The following FRAS1 variants were observed in gnomAD, a reference collection of about 807,000 sequenced individuals.
FRAS1 encodes the protein extracellular matrix organizing protein FRAS1.
In FRAS1, 290 loss-of-function variants were observed where a neutral mutation model predicts 435.2. That is an observed-to-expected ratio of 0.67 (90% CI 0.61 to 0.73). FRAS1 has a LOEUF of 0.73. Among genes scored for constraint, FRAS1 ranks in the 30% least tolerant of loss-of-function variants. The pLI is 0.00. For synonymous variants in FRAS1, 1,800 were observed against 1,851.0 expected (o/e 0.97, Z 0.71); for missense variants, 4,860 against 5,001.5 (o/e 0.97, Z 0.85).
chr4:78,142,292 T>C (rs1720227850), intron 2 of FRAS1, among the ~76,000 whole-genome samples: 1 of 152,004 alleles, frequency 6.6e-6, no homozygotes, highest in African/African-American at 2.4e-5. Context: ...TCAATCCAGT[T>C]GGATTAAGAT....
chr4:78,534,756 C>A lies in FRAS1; in HGVS notation c.11092+141C>A, dbSNP rs935802180. 7.0e-6 allele frequency: 5 copies of A among 717,468 alleles called. No homozygotes were observed. In the Admixed American group the frequency reaches 1.4e-4, roughly 21 times the overall value. The allele number at this position is 717,468 out of a possible 1,614,324, so 44.4% of individuals were successfully genotyped here. A position where few individuals can be genotyped will look rare whatever the true frequency, so the allele number is the denominator to read the frequency against. ...TCCCCCAGGGTTGGTTCCAGGACAG[C>A]CAGGACTGAATCTAGGTACAGGCCC... On this transcript the variant is annotated intron_variant, in intron 71 of 73. Transcript: ENST00000512123.
intron 23 of FRAS1, 62 bp from the exon 24 acceptor site, chr4:78,372,656 T>C: frequency 6.3e-7 from 1 of 1,593,526 alleles, no homozygotes; most frequent in Non-Finnish European, 8.6e-7. Context: ...TCCTCATAAA[T>C]GAACTGCTGG....
At chr4:78,159,630 C>T (rs1721049080) in intron 2 of FRAS1, among the ~76,000 whole-genome samples, 1 of 152,156 alleles carries the variant, frequency 6.6e-6, no homozygotes, top group African/African-American at 2.4e-5. Flanking sequence ...CCTGTAATCC[C>T]AGCACTTTGG....
At chr4:78,190,088 T>C (rs953542192) in intron 2 of FRAS1, among the ~76,000 whole-genome samples, 1 of 152,214 alleles carries the variant, frequency 6.6e-6, no homozygotes, top group Non-Finnish European at 1.5e-5. Context: ...ATCAGGCCCT[T>C]TCTTTTGTAT....
chr4:78,496,505 G>A (rs1045643911), intron 59 of FRAS1, among the ~76,000 whole-genome samples: 2 of 152,218 alleles, frequency 1.3e-5, no homozygotes, highest in South Asian at 2.1e-4. Context: ...AAAGCACACA[G>A]ATGTTCTACA....
intron 61 of FRAS1, among the ~76,000 whole-genome samples, chr4:78,505,158 A>G (rs909310524): frequency 6.6e-6 from 1 of 151,876 alleles, no homozygotes; most frequent in Admixed American, 6.6e-5. Flanking sequence ...TGCCCTTAAC[A>G]TTTTTTCCTT....
intron 2 of FRAS1, among the ~76,000 whole-genome samples, chr4:78,233,490 G>A (rs1328291263): frequency 6.6e-6 from 1 of 150,904 alleles, no homozygotes; most frequent in Non-Finnish European, 1.5e-5. Context: ...AGTACTTATA[G>A]GACTGTTTTC....
chr4:78,343,741 G>A (rs1205847749), intron 20 of FRAS1, among the ~76,000 whole-genome samples: 3 of 152,156 alleles, frequency 2.0e-5, no homozygotes, highest in Non-Finnish European at 4.4e-5. Context: ...TAACAGGGGG[G>A]AAAACCCAGT....
intron 73 of FRAS1, among the ~76,000 whole-genome samples, chr4:78,539,795 CATA>C (rs1205692788): frequency 6.6e-6 from 1 of 152,154 alleles, no homozygotes; most frequent in Non-Finnish European, 1.5e-5. Context: ...TTTAAAAAAT[CATA>C]ATACAATACA....
intron 2 of FRAS1, among the ~76,000 whole-genome samples, chr4:78,160,149 T>G (rs1721077732): frequency 6.6e-6 from 1 of 152,210 alleles, no homozygotes; most frequent in Admixed American, 6.5e-5. Context: ...TAAGTAAATT[T>G]TTAATGAGGA....
chr4:78,286,364 A>C, intron 13 of FRAS1, 41 bp from the exon 14 acceptor site: 1 of 1,611,360 alleles, frequency 6.2e-7, no homozygotes, highest in Non-Finnish European at 8.5e-7. Flanking sequence ...TCAGCTAATC[A>C]AATGGTTCCT....
intron 2 of FRAS1, among the ~76,000 whole-genome samples, chr4:78,133,953 G>A (rs1719802726): frequency 7.5e-6 from 1 of 133,966 alleles, no homozygotes; most frequent in African/African-American, 2.8e-5. Context: ...GATGGACTAG[G>A]TTTTTTTTTT....
chr4:78,160,449 G>A (rs779198797), intron 2 of FRAS1, among the ~76,000 whole-genome samples: 6 of 152,172 alleles, frequency 3.9e-5, no homozygotes, highest in African/African-American at 1.2e-4. Context: ...GTTTGGAAAC[G>A]TTAGCCTGTA....
rs562272384 is a variant in FRAS1, at chr4:78,421,178, G to A, written c.4541-685G>A. Among the ~76,000 whole-genome samples, 17 of 151,924 alleles carry A rather than the reference G, an allele frequency of 1.1e-4. No individual in the cohort carries two copies. In the South Asian group the frequency reaches 2.9e-3, roughly 26 times the overall value. On this transcript the variant is annotated intron_variant, in intron 33 of 73. Coordinates refer to ENST00000512123, the MANE Select transcript of FRAS1 (RefSeq NM_025074.7). ...ATATTTATTTTTGAGATGGAGTTTC[G>A]CTCTTGTCACCCAGGCTGGAGTGCA...
rs1730745834 is a variant in FRAS1, at chr4:78,354,024, A to T, written c.2423-9489A>T. ...AAAAAAATTAAAAAAAAAATAAAAT[A>T]AAAAAAAAAAAAAAAAAAAAGCTTC... On this transcript the variant is annotated intron_variant, in intron 20 of 73. Coordinates refer to ENST00000512123, the MANE Select transcript of FRAS1 (RefSeq NM_025074.7). 2.8e-5 allele frequency among the ~76,000 whole-genome samples: 3 copies of T among 106,614 alleles called. 1 individual carries two copies. Among genetic ancestry groups the T allele is most frequent in the East Asian group, 3.9e-4 (1 of 2,588 alleles). 69.9% of individuals were successfully genotyped at this position (106,614 alleles called of 152,430 possible).
At chr4:78,374,282 A>T (rs1294277577) in intron 25 of FRAS1, 31 bp downstream of exon 25, 1 of 1,543,824 alleles carries the variant, frequency 6.5e-7, no homozygotes, top group Non-Finnish European at 8.8e-7. Context: ...TATTCTGGAA[A>T]GAAGTGAGGG....
chr4:78,155,123 C>G (rs1720827879), intron 2 of FRAS1, among the ~76,000 whole-genome samples: 1 of 152,196 alleles, frequency 6.6e-6, no homozygotes, highest in Non-Finnish European at 1.5e-5. Context: ...CTATAAAATT[C>G]TAGGCCCATG....
Position 78,334,358 on chromosome 4 carries a change from A to ATT in FRAS1, c.2278+949_2278+950dup, listed in dbSNP as rs1730076199. Among the ~76,000 whole-genome samples, 22 of 123,306 alleles carry ATT rather than the reference A, an allele frequency of 1.8e-4. 3 individuals are homozygous for ATT. The highest frequency in any genetic ancestry group is 6.0e-4 in the African/African-American group (17 of 28,300). The allele number at this position is 123,306 out of a possible 152,430, so 80.9% of individuals were successfully genotyped here. ...TTTTCAAAACATAAAGTCATAACCA[A>ATT]TTTTCTTTTTTTTTTTTTTTTTTTT... is the stretch of plus-strand genomic sequence containing the variant. On this transcript the variant is annotated intron_variant, in intron 19 of 73. Transcript: ENST00000512123.
At position 78,387,507 on chromosome 4, in the gene FRAS1, C is replaced by G; in HGVS notation, c.3781C>G (p.Leu1261Val). 1 of 1,613,718 alleles carries G rather than the reference C, an allele frequency of 6.2e-7. No individual in the cohort carries two copies. The highest frequency in any genetic ancestry group is 8.5e-7 in the Non-Finnish European group (1 of 1,179,814). The change falls in exon 29 of 74, where the codon CTT (leucine) becomes GTT (valine). Residue 1261 changes from leucine (L) to valine (V), a missense_variant. By Grantham distance (32) the Leu-to-Val change is conservative (BLOSUM62 1). Transcript: ENST00000512123. ...GGTCATTGAAATAATCGATCCTCCA[C>G]TTCATGGCCAATTGCTTCAGACACT... ...DVVIEIIDPP[L>V]HGQLLQTLQS...
Sources: allele counts gnomAD v4.1 joint callset (sites outside exome capture counted in the v4.1 genomes callset), GRCh38; gene constraint gnomAD v4.1.1; transcripts MANE v1.5; gene names NCBI Gene and HGNC (gene_info 2026-07-23, HGNC 2026-07-21).